Variants in PRIMPOL observed in about 807,000 individuals in gnomAD.
PRIMPOL encodes the protein primase and DNA directed polymerase.
Under a neutral mutation model 63.6 loss-of-function variants are expected in PRIMPOL, and 54 were observed. That is an observed-to-expected ratio of 0.85 (90% CI 0.68 to 1.07). The LOEUF (loss-of-function observed/expected upper bound fraction) is 1.07. Among genes scored for constraint, PRIMPOL ranks in the 50% least tolerant of loss-of-function variants. PRIMPOL has a pLI of 0.00. For synonymous variants in PRIMPOL, 197 were observed against 220.2 expected, an observed-to-expected ratio of 0.89 and a Z score of 0.93; for missense variants, 610 against 648.3, an observed-to-expected ratio of 0.94 and a Z score of 0.64.
chr4:184,671,829 G>A (rs1460735723), intron 6 of PRIMPOL, among the ~76,000 whole-genome samples: 1 of 141,296 alleles, frequency 7.1e-6, no homozygotes, highest in Non-Finnish European at 1.5e-5. Context: ...TGCAAGCTCC[G>A]CTTCCTGGGT....
intron 13 of PRIMPOL, among the ~76,000 whole-genome samples, chr4:184,693,376 C>T (rs149937829): frequency 8.7e-4 from 132 of 152,062 alleles, no homozygotes; most frequent in Non-Finnish European, 1.1e-3. Context: ...CTACTTTTTC[C>T]GCTTATCTAG....
At chr4:184,693,091 G>A (rs752613083) in intron 13 of PRIMPOL, among the ~76,000 whole-genome samples, 5 of 151,978 alleles carry the variant, frequency 3.3e-5, no homozygotes, top group African/African-American at 4.8e-5. Flanking sequence ...CAGGTGATGG[G>A]GTTTATATTC....
At chr4:184,656,969 T>A in intron 2 of PRIMPOL, 113 bp from the exon 3 acceptor site, 1 of 494,922 alleles carries the variant, frequency 2.0e-6, no homozygotes. Context: ...TAAAACTTCA[T>A]GCAAAGAATA....
At chr4:184,682,594 T>C (rs564563327) in intron 9 of PRIMPOL, among the ~76,000 whole-genome samples, 1 of 152,264 alleles carries the variant, frequency 6.6e-6, no homozygotes, top group Admixed American at 6.5e-5. Flanking sequence ...ACGATCTGTC[T>C]GCCTCAGCCT....
intron 3 of PRIMPOL, among the ~76,000 whole-genome samples, chr4:184,658,937 AT>A (rs1409896415): frequency 2.0e-5 from 3 of 151,280 alleles, no homozygotes; most frequent in Non-Finnish European, 4.4e-5. Context: ...TCCTACATAC[AT>A]TTTTTTATGT....
intron 4 of PRIMPOL, 126 bp from the exon 5 acceptor site, chr4:184,661,648 G>C: frequency 1.9e-6 from 1 of 519,322 alleles, no homozygotes; most frequent in Non-Finnish European, 3.2e-6. Context: ...GGAGGTTGCA[G>C]TGAACCGAGA....
At chr4:184,675,066 C>T (rs1331748603) in intron 7 of PRIMPOL, among the ~76,000 whole-genome samples, 4 of 152,148 alleles carry the variant, frequency 2.6e-5, no homozygotes. Flanking sequence ...GACTGTGAAG[C>T]GCAATTGATT....
intron 9 of PRIMPOL, among the ~76,000 whole-genome samples, chr4:184,683,910 C>T (rs1445078424): frequency 6.6e-6 from 1 of 151,582 alleles, no homozygotes; most frequent in Non-Finnish European, 1.5e-5. Context: ...ATGTGGAAAA[C>T]ACCCATTTGT....
chr4:184,664,216 C>T (rs1008673566), intron 5 of PRIMPOL, among the ~76,000 whole-genome samples: 4 of 152,212 alleles, frequency 2.6e-5, no homozygotes, highest in African/African-American at 9.6e-5. Context: ...TAAATTTATT[C>T]TCTGTAGCTC....
chr4:184,649,985 C>G (rs971919557), intron 1 of PRIMPOL, 77 bp downstream of exon 1: 9 of 152,234 alleles, frequency 5.9e-5, no homozygotes, highest in African/African-American at 2.2e-4. Flanking sequence ...AAATCAAAAG[C>G]CTTAACCTCC....
At chr4:184,673,279 G>A (rs1431813147) in intron 7 of PRIMPOL, among the ~76,000 whole-genome samples, 13 of 151,602 alleles carry the variant, frequency 8.6e-5, no homozygotes, top group Admixed American at 2.0e-4. Context: ...ACAGGCGCCC[G>A]CCACCGCTCC....
At chr4:184,687,963 TCC>T (rs1209802183) in intron 11 of PRIMPOL, among the ~76,000 whole-genome samples, 2 of 152,218 alleles carry the variant, frequency 1.3e-5, no homozygotes, top group African/African-American at 4.8e-5. Flanking sequence ...TCGCATCCTC[TCC>T]CTTGCCTTGC....
chr4:184,668,790 C>G (rs373304493), intron 6 of PRIMPOL, among the ~76,000 whole-genome samples: 3 of 152,210 alleles, frequency 2.0e-5, no homozygotes, highest in East Asian at 3.9e-4. Context: ...CTCTATTCTA[C>G]TTAATGTTTC....
At chr4:184,668,963 G>A (rs1416333305) in intron 6 of PRIMPOL, among the ~76,000 whole-genome samples, 1 of 151,978 alleles carries the variant, frequency 6.6e-6, no homozygotes, top group African/African-American at 2.4e-5. Flanking sequence ...CCGCCACCCT[G>A]CCCTTTTCAT....
At chr4:184,694,251 C>A (rs530241220) in intron 13 of PRIMPOL, 33 of 1,147,382 alleles carry the variant, frequency 2.9e-5, no homozygotes, top group Non-Finnish European at 3.5e-5. Context: ...CACCCTTGCT[C>A]TTCCGTCGGG....
chr4:184,671,946 T>G (rs1424518379), intron 6 of PRIMPOL, among the ~76,000 whole-genome samples: 1 of 151,896 alleles, frequency 6.6e-6, no homozygotes, highest in Non-Finnish European at 1.5e-5. Context: ...TTCACCGTGT[T>G]AACCAGGATG....
At chr4:184,685,096 C>T (rs2150148543) in intron 9 of PRIMPOL, among the ~76,000 whole-genome samples, 1 of 152,260 alleles carries the variant, frequency 6.6e-6, no homozygotes, top group African/African-American at 2.4e-5. Context: ...TGCATGGCAA[C>T]ACCAAGACCT....
At chr4:184,668,245 C>G (rs1053247465) in intron 6 of PRIMPOL, among the ~76,000 whole-genome samples, 2 of 152,222 alleles carry the variant, frequency 1.3e-5, no homozygotes, top group South Asian at 2.1e-4. Context: ...TCATCCTTCC[C>G]CAGAGTCACA....
chr4:184,653,378 C>G (rs1745284146), intron 2 of PRIMPOL, among the ~76,000 whole-genome samples: 1 of 152,190 alleles, frequency 6.6e-6, no homozygotes, highest in South Asian at 2.1e-4. Context: ...TCGAAAAGAA[C>G]TAACATAGCC....
Sources: allele counts gnomAD v4.1 joint callset (sites outside exome capture counted in the v4.1 genomes callset), GRCh38; gene constraint gnomAD v4.1.1; transcripts MANE v1.5; gene names NCBI Gene and HGNC (gene_info 2026-07-23, HGNC 2026-07-21).